Variants in WDR36 observed in about 807,000 individuals in gnomAD.
The protein encoded by WDR36 is WD repeat-containing protein 36.
Under a neutral mutation model 112.7 loss-of-function variants are expected in WDR36, and 63 were observed. The ratio of observed to expected loss-of-function variants is 0.56; its 90% confidence interval spans 0.46 to 0.69. The LOEUF (loss-of-function observed/expected upper bound fraction) is 0.69. WDR36 is among the 30% of genes least tolerant of loss of function. The pLI is 0.00. For synonymous variants in WDR36, 410 were observed against 362.2 expected (o/e 1.13, Z -1.50); for missense variants, 1,226 against 1,070.3 (o/e 1.15, Z -2.03).
chr5:111,120,384 G>A, intron 17 of WDR36, 112 bp from the exon 18 acceptor site: 1 of 826,694 alleles, frequency 1.2e-6, no homozygotes, highest in Non-Finnish European at 2.0e-6. Flanking sequence ...ATCTATCTTT[G>A]AGGTATTTTT....
In WDR36 at chr5:111,127,185, T is replaced by C. The variant is rs922291513; in HGVS notation, c.*302T>C. On this transcript the variant is annotated 3_prime_UTR_variant, in exon 23 of 23. Transcript: ENST00000513710. Reference sequence around the variant, plus strand: ...GCAAGATCCCATCTCTACAAAAAGTTAAAAAAATAAATTACACCTGCCTTT... The same window carrying C: ...GCAAGATCCCATCTCTACAAAAAGTCAAAAAAATAAATTACACCTGCCTTT... The C allele has an allele frequency of 1.6e-5, 4 of 256,668 alleles. No individual in the cohort carries two copies. The highest frequency in any genetic ancestry group is 2.2e-5 in the Non-Finnish European group (3 of 135,092). The allele number at this position is 256,668 out of a possible 1,614,324, so 15.9% of individuals were successfully genotyped here.
Position 111,092,572 on chromosome 5 carries a change from G to A in WDR36, c.116G>A (p.Arg39Gln), listed in dbSNP as rs773087349. The change falls in exon 1 of 23, where the codon CGG becomes CAG. Residue 39 changes from arginine (R) to glutamine (Q), a missense_variant. Transcript: ENST00000513710. ...HVVRFSALKR[R>Q]FYVTTCVGKS... ...GTGCGGTTCAGCGCGCTCAAGCGCC[G>A]GTTCTATGTAACAACCTGCGTGGGC... The A allele has an allele frequency of 6.2e-7, 1 of 1,614,138 alleles. No homozygotes were observed.
intron 1 of WDR36, among the ~76,000 whole-genome samples, chr5:111,094,276 C>T (rs1752930948): frequency 6.6e-6 from 1 of 152,298 alleles, no homozygotes; most frequent in South Asian, 2.1e-4. Context: ...CTCATTGAAT[C>T]CTCATAACAA....
intron 12 of WDR36, among the ~76,000 whole-genome samples, chr5:111,109,131 A>G (rs1027271444): frequency 1.3e-5 from 2 of 151,474 alleles, no homozygotes; most frequent in Middle Eastern, 6.8e-3. Flanking sequence ...ACTCCCCTAA[A>G]AAAATGTAAA....
At chr5:111,098,361 C>A (rs1378875647) in intron 3 of WDR36, among the ~76,000 whole-genome samples, 3 of 152,060 alleles carry the variant, frequency 2.0e-5, no homozygotes, top group South Asian at 2.1e-4. Flanking sequence ...TAGAGATCAG[C>A]CTTCTGGAAT....
intron 5 of WDR36, among the ~76,000 whole-genome samples, chr5:111,101,425 A>T (rs779997204): frequency 2.1e-4 from 32 of 151,936 alleles, no homozygotes; most frequent in Admixed American, 1.1e-3. Context: ...AAGGTAAAAG[A>T]TGGAAAGGCA....
intron 16 of WDR36, among the ~76,000 whole-genome samples, chr5:111,114,823 A>G (rs1753423049): frequency 6.6e-6 from 1 of 152,176 alleles, no homozygotes; most frequent in Non-Finnish European, 1.5e-5. Flanking sequence ...TAAATAGTAG[A>G]GTTGGCATAG....
At chr5:111,111,474 T>G in intron 15 of WDR36, 196 bp downstream of exon 15, 1 of 534,502 alleles carries the variant, frequency 1.9e-6, no homozygotes, top group Non-Finnish European at 3.3e-6. Flanking sequence ...CAAATTAAAG[T>G]ATAAGTTTTA....
At chr5:111,123,594 C>T (rs911332697) in intron 19 of WDR36, among the ~76,000 whole-genome samples, 9 of 152,142 alleles carry the variant, frequency 5.9e-5, no homozygotes, top group Admixed American at 2.0e-4. Context: ...TCTGCCTTAT[C>T]GGCAAGGGTG....
chr5:111,107,517 T>A, intron 12 of WDR36, 78 bp downstream of exon 12: 1 of 1,557,776 alleles, frequency 6.4e-7, no homozygotes, highest in Non-Finnish European at 8.8e-7. Flanking sequence ...AGGTTTCTCA[T>A]CATAATATTG....
At chr5:111,124,265 TATC>T (rs1753631105) in intron 21 of WDR36, 76 bp downstream of exon 21, 2 of 1,146,360 alleles carry the variant, frequency 1.7e-6, no homozygotes, top group South Asian at 1.4e-5. Flanking sequence ...TTGAAGGAAA[TATC>T]AGCGTTCTCA....
rs1752886951 is a variant in WDR36 at position 111,092,529 on chromosome 5, A to G, written c.73A>G (p.Asn25Asp). The G allele has an allele frequency of 1.2e-6, 2 of 1,614,102 alleles. No homozygotes were observed. The highest frequency in any genetic ancestry group is 1.3e-5 in the African/African-American group (1 of 74,944). ...GTTCCGGGCCTTGGGACTTTTCAGC[A>G]ACGACATTCCACACGTGGTGCGGTT... ...AGFRALGLFSNDIPHVVRFSA... is the reference protein window; with the variant it reads ...AGFRALGLFSDDIPHVVRFSA... The change falls in exon 1 of 23, where the codon AAC (asparagine) becomes GAC (aspartate). Residue 25 changes from asparagine to aspartate, a missense_variant. Physicochemically the swap from Asn to Asp is conservative, Grantham distance 23 (BLOSUM62 1). Coordinates refer to ENST00000513710, the MANE Select transcript of WDR36 (RefSeq NM_139281.3).
At chr5:111,122,014 G>A (rs187480654) in intron 19 of WDR36, among the ~76,000 whole-genome samples, 34 of 152,278 alleles carry the variant, frequency 2.2e-4, no homozygotes, top group Admixed American at 1.8e-3. Context: ...GAAAAGAAGT[G>A]TGTGTCTTGG....
rs147560119 is a variant in WDR36, at chr5:111,107,015, G to A, written c.1181-279G>A. 2.4e-3 allele frequency among the ~76,000 whole-genome samples: 357 copies of A among 151,378 alleles called. 1 individual carries two copies. The highest frequency in any genetic ancestry group is 8.0e-3 in the African/African-American group (332 of 41,396). ...ACTTTATTGTAATTTCTTCTGATTA[G>A]AATCTCTTGTTAGGTATGTTAATTA... is the stretch of plus-strand genomic sequence containing the variant. On this transcript the variant is annotated intron_variant, in intron 11 of 22. Coordinates refer to ENST00000513710, the MANE Select transcript of WDR36 (RefSeq NM_139281.3).
intron 13 of WDR36, 73 bp downstream of exon 13, chr5:111,110,376 A>G: frequency 8.0e-7 from 1 of 1,253,220 alleles, no homozygotes; most frequent in Admixed American, 1.7e-5. Context: ...TGGTATGTAT[A>G]ATCTTTAAGT....
intron 8 of WDR36, 138 bp downstream of exon 8, chr5:111,104,490 A>G: frequency 7.1e-7 from 1 of 1,416,794 alleles, no homozygotes; most frequent in Non-Finnish European, 9.9e-7. Context: ...GATGAAACAA[A>G]AAGCACAGCA....
At chr5:111,098,019 A>G (rs1202872051) in intron 3 of WDR36, among the ~76,000 whole-genome samples, 4 of 152,176 alleles carry the variant, frequency 2.6e-5, no homozygotes, top group East Asian at 3.8e-4. Context: ...ACTTTATCCT[A>G]TATGTATAAC....
intron 4 of WDR36, among the ~76,000 whole-genome samples, chr5:111,100,262 A>G (rs1029920363): frequency 6.6e-6 from 1 of 152,034 alleles, no homozygotes; most frequent in African/African-American, 2.4e-5. Flanking sequence ...CAAATTACAG[A>G]AACATGAATG....
chr5:111,096,893 T>C (rs2112564411), intron 2 of WDR36, 186 bp from the exon 3 acceptor site: 1 of 496,984 alleles, frequency 2.0e-6, no homozygotes, highest in African/African-American at 1.9e-5. Flanking sequence ...TTCCTATCCT[T>C]AGTTTGATAG....
Sources: allele counts gnomAD v4.1 joint callset (sites outside exome capture counted in the v4.1 genomes callset), GRCh38; gene constraint gnomAD v4.1.1; transcripts MANE v1.5; gene names NCBI Gene and HGNC (gene_info 2026-07-23, HGNC 2026-07-21).